GRID1: variants seen among roughly 807,000 people sequenced by gnomAD.
GRID1 encodes the protein glutamate ionotropic receptor delta type subunit 1.
Under a neutral mutation model 98.0 loss-of-function variants are expected in GRID1, and 28 were observed. The observed-to-expected ratio is 0.29, with a 90% CI of 0.21 to 0.39. The LOEUF is 0.39. Among genes scored for constraint, GRID1 ranks in the 10% least tolerant of loss-of-function variants. GRID1 has a pLI of 1.00. For missense variants in GRID1, 1,111 were observed against 1,340.5 expected (o/e 0.83, Z 2.67); for synonymous variants, 553 against 538.5 (o/e 1.03, Z -0.37).
At chr10:85,822,820 A>C (rs1842785364) in intron 8 of GRID1, among the ~76,000 whole-genome samples, 1 of 152,252 alleles carries the variant, frequency 6.6e-6, no homozygotes, top group South Asian at 2.1e-4. Context: ...TGGATTAAGA[A>C]AATGTGGCAC....
chr10:85,830,083 A>G (rs1842854597), intron 8 of GRID1, among the ~76,000 whole-genome samples: 1 of 152,242 alleles, frequency 6.6e-6, no homozygotes, highest in Admixed American at 6.5e-5. Flanking sequence ...AGTAGCCAGA[A>G]CAGCATGGTA....
At chr10:86,003,621 G>A (rs895118180) in intron 4 of GRID1, among the ~76,000 whole-genome samples, 6 of 152,160 alleles carry the variant, frequency 3.9e-5, no homozygotes, top group East Asian at 3.9e-4. Flanking sequence ...GCCCAAGTAC[G>A]CGAGGAGGCT....
intron 4 of GRID1, among the ~76,000 whole-genome samples, chr10:85,979,810 A>G (rs886752877): frequency 2.6e-5 from 4 of 152,190 alleles, no homozygotes; most frequent in African/African-American, 7.2e-5. Context: ...AGGGCTCAGG[A>G]AGAGGCCAGG....
intron 8 of GRID1, among the ~76,000 whole-genome samples, chr10:85,820,714 T>A (rs973683456): frequency 6.6e-6 from 1 of 152,202 alleles, no homozygotes; most frequent in African/African-American, 2.4e-5. Flanking sequence ...ATACCACTAT[T>A]ATACCATTAT....
chr10:85,782,213 A>C (rs1453377352), intron 8 of GRID1, among the ~76,000 whole-genome samples: 1 of 152,116 alleles, frequency 6.6e-6, no homozygotes. Flanking sequence ...TCAGACAAGA[A>C]ATGTGAGTGC....
chr10:85,707,243 T>A (rs1293666715), intron 12 of GRID1, among the ~76,000 whole-genome samples: 4 of 151,788 alleles, frequency 2.6e-5, no homozygotes, highest in Non-Finnish European at 5.9e-5. Flanking sequence ...CAGAATCTAC[T>A]ATGAACTCAA....
intron 2 of GRID1, among the ~76,000 whole-genome samples, chr10:86,217,535 G>A (rs1384609441): frequency 3.3e-5 from 5 of 152,222 alleles, no homozygotes; most frequent in African/African-American, 9.6e-5. Context: ...GTCTGGGCGG[G>A]CAGAGGTAGT....
At chr10:85,870,801 T>C (rs1451554937) in intron 5 of GRID1, among the ~76,000 whole-genome samples, 1 of 152,130 alleles carries the variant, frequency 6.6e-6, no homozygotes, top group African/African-American at 2.4e-5. Flanking sequence ...CAGTGGTCAG[T>C]GGCAGGGCTA....
intron 4 of GRID1, among the ~76,000 whole-genome samples, chr10:86,062,416 G>A (rs1843662342): frequency 6.6e-6 from 1 of 152,078 alleles, no homozygotes; most frequent in Non-Finnish European, 1.5e-5. Context: ...CTTCTCCGGA[G>A]GTCCCACTCA....
At chr10:85,861,138 G>A (rs1235332889) in intron 6 of GRID1, among the ~76,000 whole-genome samples, 1 of 152,200 alleles carries the variant, frequency 6.6e-6, no homozygotes, top group Non-Finnish European at 1.5e-5. Flanking sequence ...TGCAGAACAT[G>A]AGGACTACTG....
intron 2 of GRID1, among the ~76,000 whole-genome samples, chr10:86,209,790 C>T (rs1377286976): frequency 6.6e-6 from 1 of 152,182 alleles, no homozygotes; most frequent in Non-Finnish European, 1.5e-5. Context: ...TTGCAGCCAT[C>T]AGTCACTTTT....
chr10:86,192,396 A>G lies in GRID1; in HGVS notation c.520+13968T>C, dbSNP rs1334531083. On this transcript the variant is annotated intron_variant, in intron 3 of 15. Coordinates refer to ENST00000327946, the MANE Select transcript of GRID1 (RefSeq NM_017551.3). The surrounding 1 kb of genome is among the most constrained non-coding windows in gnomAD (Gnocchi z 4.8). ...TCTGATGCATGCCACAGTGTGGAGG[A>G]AAGTAGAAAGCACTATGCTAAGTGA... Among the ~76,000 whole-genome samples, 4 of 152,212 alleles carry G rather than the reference A, an allele frequency of 2.6e-5. No individual in the cohort carries two copies. Among genetic ancestry groups the G allele is most frequent in the Non-Finnish European group, 4.4e-5 (3 of 68,046 alleles).
chr10:86,169,717 C>A (rs1320347560), intron 3 of GRID1, among the ~76,000 whole-genome samples: 1 of 152,184 alleles, frequency 6.6e-6, no homozygotes, highest in African/African-American at 2.4e-5. Context: ...AGAAGACCCC[C>A]ACCAGCCAGT....
At chr10:85,734,192 A>C (rs561542216) in intron 8 of GRID1, among the ~76,000 whole-genome samples, 1 of 152,218 alleles carries the variant, frequency 6.6e-6, no homozygotes, top group African/African-American at 2.4e-5. Context: ...TGGCCAGCAC[A>C]GCATCTCATA....
At chr10:86,284,923 C>G (rs1289020001) in intron 2 of GRID1, among the ~76,000 whole-genome samples, 1 of 152,140 alleles carries the variant, frequency 6.6e-6, no homozygotes, top group African/African-American at 2.4e-5. Flanking sequence ...TTCAGGACAG[C>G]CTTGTCACCT....
chr10:85,761,638 C>T (rs1024101766), intron 8 of GRID1, among the ~76,000 whole-genome samples: 2 of 152,178 alleles, frequency 1.3e-5, no homozygotes, highest in African/African-American at 4.8e-5. Context: ...GAGTTCTAAA[C>T]GGTGCTAGCC....
chr10:85,927,188 A>C (rs1018984334), intron 4 of GRID1, among the ~76,000 whole-genome samples: 9 of 152,234 alleles, frequency 5.9e-5, no homozygotes, highest in Non-Finnish European at 1.2e-4. Context: ...TCTCCCCAGC[A>C]GGTCCTGGCA....
intron 2 of GRID1, among the ~76,000 whole-genome samples, chr10:86,363,182 C>T (rs1156287233): frequency 6.6e-6 from 1 of 152,256 alleles, no homozygotes; most frequent in Non-Finnish European, 1.5e-5. Context: ...AACGCCCTCG[C>T]CTCGCACCTG....
chr10:86,163,547 A>T (rs1845354079), intron 3 of GRID1, among the ~76,000 whole-genome samples: 2 of 151,980 alleles, frequency 1.3e-5, no homozygotes, highest in African/African-American at 4.8e-5. Flanking sequence ...TCCTCTGTTA[A>T]CACGTCAGCT....
Sources: allele counts gnomAD v4.1 joint callset (sites outside exome capture counted in the v4.1 genomes callset), GRCh38; gene constraint gnomAD v4.1.1; non-coding constraint Gnocchi (gnomAD v3.1); transcripts MANE v1.5; gene names NCBI Gene and HGNC (gene_info 2026-07-23, HGNC 2026-07-21).